The following KRT75 variants were observed in gnomAD, a reference collection of about 807,000 sequenced individuals.
KRT75 encodes the protein keratin, type II cytoskeletal 75.
A neutral mutation model predicts 48.8 loss-of-function variants in KRT75; 35 were observed. That is an observed-to-expected ratio of 0.72 (90% confidence interval 0.55 to 0.95). The LOEUF is 0.95. Ranked by LOEUF, KRT75 falls within the 40% of genes least tolerant of loss-of-function variation. KRT75 has a pLI of 0.00. For synonymous variants in KRT75, 301 were observed against 282.3 expected (o/e 1.07, Z -0.66); for missense variants, 776 against 709.9 (o/e 1.09, Z -1.06).
intron 7 of KRT75, among the ~76,000 whole-genome samples, chr12:52,427,356 G>A (rs1353245896): frequency 6.6e-6 from 1 of 152,188 alleles, no homozygotes; most frequent in East Asian, 1.9e-4. Flanking sequence ...GACAGAACTG[G>A]CATTCATTCA....
In KRT75 at chr12:52,424,469, G is replaced by T; in HGVS notation, c.*48C>A. 2.0e-6 allele frequency: 3 copies of T among 1,518,160 alleles called. No homozygotes were observed. The highest frequency in any genetic ancestry group is 1.1e-5 in the South Asian group (1 of 89,110). The allele number at this position is 1,518,160 out of a possible 1,614,324, so 94.0% of individuals were successfully genotyped here. A position where few individuals can be genotyped will look rare whatever the true frequency, so the allele number is the denominator to read the frequency against. On this transcript the variant is annotated 3_prime_UTR_variant, in exon 9 of 9. Coordinates refer to ENST00000252245, the MANE Select transcript of KRT75 (RefSeq NM_004693.3). ...GAGGAGGACCCTGGTGTCCAGGTGT[G>T]ACTGCAAACAGGCCTCAAGGCAGGG...
Position 52,424,153 on chromosome 12 carries a change from A to G in KRT75, c.*364T>C, listed in dbSNP as rs1318493292. ...TCCCAGCAGGCCACTTATAAACACT[A>G]TGAGACAGGTGGGTGACAACCTGGC... On this transcript the variant is annotated 3_prime_UTR_variant, in exon 9 of 9. Transcript: ENST00000252245. 5.3e-6 allele frequency: 2 copies of G among 377,940 alleles called. No homozygotes were observed. The highest frequency in any genetic ancestry group is 4.2e-5 in the African/African-American group (2 of 47,992). The allele number at this position is 377,940 out of a possible 1,614,324, so 23.4% of individuals were successfully genotyped here. A position where few individuals can be genotyped will look rare whatever the true frequency, so the allele number is the denominator to read the frequency against.
chr12:52,432,020 C>T lies in KRT75; in HGVS notation c.760G>A (p.Val254Ile). 1.2e-6 allele frequency: 2 copies of T among 1,614,192 alleles called. No homozygotes were observed. The highest frequency in any genetic ancestry group is 1.7e-6 in the Non-Finnish European group (2 of 1,180,010). Residue 254 changes from valine to isoleucine, a missense_variant, in exon 3 of 9, where the codon GTA (valine) becomes ATA (isoleucine). Val to Ile is a conservative substitution (Grantham distance 29, BLOSUM62 3). Transcript: ENST00000252245. Reference sequence around the variant, plus strand: ...TCCCCACTCACCTTTTTCAGGGCTACAAATTCATTCTCAGCAGCTGTGCGC... The same window carrying T: ...TCCCCACTCACCTTTTTCAGGGCTATAAATTCATTCTCAGCAGCTGTGCGC... The part of the protein sequence containing the change: ...NKRTAAENEF[V>I]ALKKDVDAAY...
chr12:52,427,219 T>C (rs978671797), intron 7 of KRT75, among the ~76,000 whole-genome samples: 3 of 152,246 alleles, frequency 2.0e-5, no homozygotes, highest in African/African-American at 7.2e-5. Flanking sequence ...ACCATTGTCA[T>C]GCACTGAGCC....
chr12:52,432,292 A>G (rs1249319139), intron 2 of KRT75, among the ~76,000 whole-genome samples: 2 of 152,202 alleles, frequency 1.3e-5, no homozygotes, highest in Admixed American at 1.3e-4. Flanking sequence ...GTGAGCATGG[A>G]ACTTAAAGGA....
In KRT75 at chr12:52,428,752, A is replaced by G; in HGVS notation, c.1036-9T>C. On this transcript the variant is annotated splice_polypyrimidine_tract_variant and intron_variant, in intron 5 of 8. Coordinates refer to ENST00000252245, the MANE Select transcript of KRT75 (RefSeq NM_004693.3). ...ACCTGCAGCTCCTCGTACTGAGAGA[A>G]CCAGAGCAAACCCAGTCACTGAGTC... is the stretch of plus-strand genomic sequence containing the variant. The G allele has an allele frequency of 6.2e-7, 1 of 1,613,772 alleles. No individual in the cohort carries two copies. The highest frequency in any genetic ancestry group is 8.5e-7 in the Non-Finnish European group (1 of 1,180,034).
At chr12:52,424,790 T>C (rs756890698) in intron 8 of KRT75, 35 bp from the exon 9 acceptor site, 1 of 1,530,746 alleles carries the variant, frequency 6.5e-7, no homozygotes, top group African/African-American at 1.4e-5. Context: ...TCAGATCAAG[T>C]GCAAGCGAGA....
chr12:52,426,204 C>T (rs777281997), intron 8 of KRT75, among the ~76,000 whole-genome samples: 42 of 152,364 alleles, frequency 2.8e-4, no homozygotes, highest in Middle Eastern at 6.8e-3. Context: ...CTCTCACCAG[C>T]ACAGGGCCAT....
chr12:52,426,921 A>G, intron 7 of KRT75, 70 bp from the exon 8 acceptor site: 1 of 1,293,284 alleles, frequency 7.7e-7, no homozygotes, highest in Non-Finnish European at 1.1e-6. Context: ...TTGCAATGAC[A>G]CTTTTGTAAT....
At position 52,433,962 on chromosome 12, in the gene KRT75, CG is replaced by C. The variant is rs1565794110; in HGVS notation, c.342del (p.Val115CysfsTer17). 1.2e-6 allele frequency: 2 copies of C among 1,614,006 alleles called. No homozygotes were observed. The highest frequency in any genetic ancestry group is 8.5e-7 in the Non-Finnish European group (1 of 1,180,010). On this transcript the variant is annotated frameshift_variant, in exon 1 of 9. Transcript: ENST00000252245. LOFTEE classifies it high-confidence loss of function. ...TCTTGGATGCCTCCAGGGGGACACA[CG>C]GGGAAGCTGGGGCCACTGAAGCCTC... is the stretch of plus-strand genomic sequence containing the variant. ...VGGGFSGPSF[P>X]VCPPGGIQEV...
At chr12:52,428,816 A>T in intron 5 of KRT75, 73 bp from the exon 6 acceptor site, 1 of 1,589,060 alleles carries the variant, frequency 6.3e-7, no homozygotes, top group African/African-American at 1.3e-5. Context: ...ACACAGACCC[A>T]CCCTGGGTGC....
At position 52,432,078 on chromosome 12, in the gene KRT75, G is replaced by C. The variant is rs774450175; in HGVS notation, c.714-12C>G. ...TTTCATCTTCGTACCTATAAGGACAGAGCGGGGGGTGTGCTGTTGAGCAAG... is the reference window on the plus strand; with the variant it reads ...TTTCATCTTCGTACCTATAAGGACACAGCGGGGGGTGTGCTGTTGAGCAAG... On this transcript the variant is annotated splice_polypyrimidine_tract_variant and intron_variant, in intron 2 of 8. Transcript: ENST00000252245. The C allele has an allele frequency of 1.9e-6, 3 of 1,614,090 alleles. No homozygotes were observed. In the South Asian group the frequency reaches 3.3e-5, roughly 18 times the overall value.
In KRT75 at chr12:52,424,276, T is replaced by C; in HGVS notation, c.*241A>G. On this transcript the variant is annotated 3_prime_UTR_variant, in exon 9 of 9. Transcript: ENST00000252245. Reference sequence around the variant, plus strand: ...CCCGGGCCTCGCAAGATAGGCTGAATGAGAGCCTTAGGAGAGAGCAGGCTT... The same window carrying C: ...CCCGGGCCTCGCAAGATAGGCTGAACGAGAGCCTTAGGAGAGAGCAGGCTT... 3.4e-6 allele frequency: 2 copies of C among 595,904 alleles called. No homozygotes were observed. The highest frequency in any genetic ancestry group is 3.0e-6 in the Non-Finnish European group (1 of 330,226). 36.9% of individuals were successfully genotyped at this position (595,904 alleles called of 1,614,324 possible). A position where few individuals can be genotyped will look rare whatever the true frequency, so the allele number is the denominator to read the frequency against.
At chr12:52,425,356 C>G (rs933522978) in intron 8 of KRT75, among the ~76,000 whole-genome samples, 1 of 152,182 alleles carries the variant, frequency 6.6e-6, no homozygotes. Context: ...AAATAGACTC[C>G]GTTATAGGAT....
rs754356196 is a variant in KRT75 at position 52,424,498 on chromosome 12, A to G, written c.*19T>C. The stretch of plus-strand genomic sequence containing the variant: ...GCAAACAGGCCTCAAGGCAGGGTAG[A>G]GGGAGCCATGGGGCTCTCTTAGTGC... On this transcript the variant is annotated 3_prime_UTR_variant, in exon 9 of 9. Transcript: ENST00000252245. The G allele has an allele frequency of 2.5e-6, 4 of 1,606,952 alleles. No homozygotes were observed. The highest frequency in any genetic ancestry group is 3.4e-6 in the Non-Finnish European group (4 of 1,173,558).
In KRT75 at chr12:52,424,429, C is replaced by G; in HGVS notation, c.*88G>C. On this transcript the variant is annotated 3_prime_UTR_variant, in exon 9 of 9. Coordinates refer to ENST00000252245, the MANE Select transcript of KRT75 (RefSeq NM_004693.3). ...CTCCCAGCAGCACAGGTGCACCTTACAAGGAGAGAGGAAGGAGGAGGACCC... is the reference window on the plus strand; with the variant it reads ...CTCCCAGCAGCACAGGTGCACCTTAGAAGGAGAGAGGAAGGAGGAGGACCC... 1 of 1,220,182 alleles carries G rather than the reference C, an allele frequency of 8.2e-7. No individual in the cohort carries two copies. The highest frequency in any genetic ancestry group is 1.2e-6 in the Non-Finnish European group (1 of 821,110). 75.6% of individuals were successfully genotyped at this position (1,220,182 alleles called of 1,614,324 possible). A position where few individuals can be genotyped will look rare whatever the true frequency, so the allele number is the denominator to read the frequency against.
Position 52,424,421 on chromosome 12 carries a change from G to A in KRT75, c.*96C>T, listed in dbSNP as rs560966688. 42 of 1,138,434 alleles carry A rather than the reference G, an allele frequency of 3.7e-5. 1 individual carries two copies. The African/African-American group carries it at 5.0e-4, about 14-fold the overall frequency. 70.5% of individuals were successfully genotyped at this position (1,138,434 alleles called of 1,614,324 possible). Reference sequence around the variant, plus strand: ...ACTCCAGGCTCCCAGCAGCACAGGTGCACCTTACAAGGAGAGAGGAAGGAG... The same window carrying A: ...ACTCCAGGCTCCCAGCAGCACAGGTACACCTTACAAGGAGAGAGGAAGGAG... On this transcript the variant is annotated 3_prime_UTR_variant, in exon 9 of 9. Transcript: ENST00000252245.
Position 52,434,132 on chromosome 12 carries a change from C to T in KRT75, c.173G>A (p.Gly58Glu). The T allele has an allele frequency of 6.2e-7, 1 of 1,614,110 alleles. No individual in the cohort carries two copies. Residue 58 changes from glycine to glutamate, a missense_variant, in exon 1 of 9, where the codon GGA (glycine) becomes GAA (glutamate). Gly to Glu is a moderately conservative substitution (Grantham distance 98). Transcript: ENST00000252245. ...CCCCAGGTTGTAGAGGCTGCGGCTT[C>T]CAAAGCTGGCCCCAGCACTGCTGAT... is the stretch of plus-strand genomic sequence containing the variant. ...GRISSAGASF[G>E]SRSLYNLGGA...
intron 5 of KRT75, 96 bp from the exon 6 acceptor site, chr12:52,428,839 C>T (rs1940108621): frequency 6.8e-7 from 1 of 1,476,846 alleles, no homozygotes; most frequent in Non-Finnish European, 9.4e-7. Flanking sequence ...CAAGCAGGCT[C>T]ATTCATTCCT....
Sources: gnomAD v4.1 joint callset for allele counts (sites outside exome capture counted in the v4.1 genomes callset) on GRCh38, gnomAD v4.1.1 for gene constraint, MANE v1.5 for transcripts, NCBI Gene and HGNC (gene_info 2026-07-23, HGNC 2026-07-21) for gene names.